STAG1: variants seen among roughly 807,000 people sequenced by gnomAD.
STAG1 encodes cohesin subunit SA-1.
A neutral mutation model predicts 170.9 loss-of-function variants in STAG1; 26 were observed. The observed-to-expected ratio is 0.15, with a 90% CI of 0.11 to 0.21. The LOEUF (loss-of-function observed/expected upper bound fraction) is 0.21, where lower values mean the gene tolerates loss of function less well. Among genes scored for constraint, STAG1 ranks in the 10% least tolerant of loss-of-function variants. STAG1 has a pLI of 1.00. For missense variants in STAG1, 964 were observed against 1,509.5 expected (o/e 0.64, Z 5.99); for synonymous variants, 514 against 497.7 (o/e 1.03, Z -0.44).
At chr3:136,371,118 A>C (rs1937309341) in intron 23 of STAG1, among the ~76,000 whole-genome samples, 1 of 152,300 alleles carries the variant, frequency 6.6e-6, no homozygotes, top group African/African-American at 2.4e-5. Context: ...AGTGATGATG[A>C]GCATTTTTTC....
chr3:136,606,619 G>C (rs906250784), intron 3 of STAG1, among the ~76,000 whole-genome samples: 8 of 152,082 alleles, frequency 5.3e-5, no homozygotes, highest in African/African-American at 1.9e-4. Flanking sequence ...CCTGGTTTTT[G>C]ATGACCATAG....
intron 1 of STAG1, among the ~76,000 whole-genome samples, chr3:136,692,876 T>C (rs1378737211): frequency 6.6e-6 from 1 of 152,202 alleles, no homozygotes; most frequent in Non-Finnish European, 1.5e-5. Flanking sequence ...TGGATCAATT[T>C]GGATTTCAAT....
intron 1 of STAG1, among the ~76,000 whole-genome samples, chr3:136,690,820 G>A (rs918360291): frequency 6.6e-6 from 1 of 151,774 alleles, no homozygotes; most frequent in Non-Finnish European, 1.5e-5. Flanking sequence ...AAACAAAGGT[G>A]GTTAAGGGAG....
intron 32 of STAG1, among the ~76,000 whole-genome samples, chr3:136,339,484 T>C (rs1210953504): frequency 2.0e-5 from 3 of 152,160 alleles, no homozygotes; most frequent in African/African-American, 2.4e-5. Flanking sequence ...GATTGCAGCA[T>C]TGCACTACAG....
chr3:136,647,589 T>G (rs969767846), intron 1 of STAG1, among the ~76,000 whole-genome samples: 13 of 152,166 alleles, frequency 8.5e-5, no homozygotes, highest in African/African-American at 2.9e-4. Context: ...CAAAAATATT[T>G]TTCCTTCAAA....
intron 32 of STAG1, 41 bp downstream of exon 32, chr3:136,340,450 C>T: frequency 7.6e-7 from 1 of 1,318,724 alleles, no homozygotes. Flanking sequence ...CCAATGCCCC[C>T]ACATATTTTA....
intron 7 of STAG1, among the ~76,000 whole-genome samples, chr3:136,513,063 G>A (rs1389990732): frequency 6.6e-6 from 1 of 152,170 alleles, no homozygotes; most frequent in Admixed American, 6.5e-5. Flanking sequence ...AGGGAGACTT[G>A]GGCCGGGTGT....
intron 5 of STAG1, among the ~76,000 whole-genome samples, chr3:136,542,578 C>A (rs965476714): frequency 6.6e-6 from 1 of 151,404 alleles, no homozygotes; most frequent in African/African-American, 2.4e-5. Context: ...ACTCTTTGAT[C>A]CACAGATTGT....
At chr3:136,708,067 G>A (rs1943275179) in intron 1 of STAG1, among the ~76,000 whole-genome samples, 1 of 152,128 alleles carries the variant, frequency 6.6e-6, no homozygotes, top group Non-Finnish European at 1.5e-5. Context: ...AATGATGCCA[G>A]CCACTGTCGA....
intron 6 of STAG1, among the ~76,000 whole-genome samples, chr3:136,522,093 A>C (rs1388715107): frequency 1.3e-5 from 2 of 152,236 alleles, no homozygotes; most frequent in East Asian, 3.8e-4. Context: ...TGTCTAGTGT[A>C]AGACACTTAA....
At chr3:136,433,515 A>T (rs763493971) in intron 16 of STAG1, 41 bp downstream of exon 16, 1 of 1,464,264 alleles carries the variant, frequency 6.8e-7, no homozygotes, top group Non-Finnish European at 9.4e-7. Flanking sequence ...GTTAATTGCC[A>T]TTAAAAACCT....
chr3:136,459,458 G>C (rs1410314599), intron 13 of STAG1, among the ~76,000 whole-genome samples: 1 of 152,054 alleles, frequency 6.6e-6, no homozygotes, highest in Non-Finnish European at 1.5e-5. Flanking sequence ...AGATTATCCA[G>C]ACGGAAAAAG....
Position 136,630,860 on chromosome 3 carries a change from C to G in STAG1, c.29+10G>C. 6.5e-7 allele frequency: 1 copy of G among 1,538,474 alleles called. No homozygotes were observed. The highest frequency in any genetic ancestry group is 2.4e-5 in the East Asian group (1 of 40,908). On this transcript the variant is annotated intron_variant, in intron 2 of 33. Transcript: ENST00000383202. The stretch of plus-strand genomic sequence containing the variant: ...AAAAAATATAAAAAAAAGAAAATTA[C>G]AATACTTACTGTAACACTGGTAATT...
intron 32 of STAG1, 52 bp from the exon 33 acceptor site, chr3:136,338,502 G>T: frequency 7.6e-7 from 1 of 1,309,978 alleles, no homozygotes. Flanking sequence ...TTAAGACAAT[G>T]AATTGTGATA....
At chr3:136,525,304 T>C (rs1457955422) in intron 6 of STAG1, among the ~76,000 whole-genome samples, 3 of 152,228 alleles carry the variant, frequency 2.0e-5, no homozygotes, top group Non-Finnish European at 4.4e-5. Flanking sequence ...GGATTCAACT[T>C]CTTCCTGGTT....
At chr3:136,693,728 T>C (rs1416303855) in intron 1 of STAG1, among the ~76,000 whole-genome samples, 3 of 151,522 alleles carry the variant, frequency 2.0e-5, no homozygotes, top group Non-Finnish European at 2.9e-5. Flanking sequence ...ACCCCCATAC[T>C]CAGCTAATTA....
chr3:136,614,879 A>T (rs1939503671), intron 3 of STAG1, among the ~76,000 whole-genome samples: 1 of 152,202 alleles, frequency 6.6e-6, no homozygotes, highest in Non-Finnish European at 1.5e-5. Flanking sequence ...TATCACAAAT[A>T]ATATATATTA....
At chr3:136,456,699 A>T (rs1350013470) in intron 13 of STAG1, among the ~76,000 whole-genome samples, 1 of 152,214 alleles carries the variant, frequency 6.6e-6, no homozygotes, top group Non-Finnish European at 1.5e-5. Flanking sequence ...GAATTTCCCA[A>T]GGCATATCAT....
intron 6 of STAG1, among the ~76,000 whole-genome samples, chr3:136,540,854 CTA>C (rs1935862244): frequency 1.3e-5 from 1 of 78,446 alleles, no homozygotes; most frequent in South Asian, 4.4e-4. Flanking sequence ...AAAAAAAAAC[CTA>C]TATATTTATT....
Sources: gnomAD v4.1 joint callset for allele counts (sites outside exome capture counted in the v4.1 genomes callset) on GRCh38, gnomAD v4.1.1 for gene constraint, MANE v1.5 for transcripts, NCBI Gene and HGNC (gene_info 2026-07-23, HGNC 2026-07-21) for gene names.